RHOBTB3: variants seen among roughly 807,000 people sequenced by gnomAD.
RHOBTB3 encodes Rho related BTB domain containing 3, also known as rho-related BTB domain-containing protein 3.
In RHOBTB3, 47 loss-of-function variants were observed where a neutral mutation model predicts 67.2. The observed-to-expected ratio is 0.70, with a 90% CI of 0.55 to 0.89. The LOEUF (loss-of-function observed/expected upper bound fraction) is 0.89, where lower values mean the gene tolerates loss of function less well. Among genes scored for constraint, RHOBTB3 ranks in the 40% least tolerant of loss-of-function variants. The pLI is 0.00. For missense variants in RHOBTB3, 631 were observed against 750.0 expected (o/e 0.84, Z 1.85); for synonymous variants, 273 against 274.2 (o/e 1.00, Z 0.04).
At position 95,780,332 on chromosome 5, in the gene RHOBTB3, G is replaced by A; in HGVS notation, c.1363G>A (p.Glu455Lys). 1 of 1,614,008 alleles carries A rather than the reference G, an allele frequency of 6.2e-7. No individual in the cohort carries two copies. Among genetic ancestry groups the A allele is most frequent in the Non-Finnish European group, 8.5e-7 (1 of 1,179,872 alleles). ...MAAMFNGNYM[E>K]AKSVLIPVYG... ...AGCCATGTTTAATGGTAATTACATG[G>A]AAGCAAAGAGTGTCCTGATTCCCGT... The change falls in exon 9 of 12, where the codon GAA becomes AAA. Residue 455 changes from glutamate (E) to lysine (K), a missense_variant. Physicochemically the swap from Glu to Lys is moderately conservative, Grantham distance 56. Coordinates refer to ENST00000379982, the MANE Select transcript of RHOBTB3 (RefSeq NM_014899.4).
Position 95,718,891 on chromosome 5 carries a change from A to G in RHOBTB3, n.133+1126A>G, listed in dbSNP as rs77674099. ...AGGTCCCAGGAGAGCACAAGCAGGG[A>G]ACAACTGGATGATGGAAACAGGGTA... On this transcript the variant is annotated intron_variant and non_coding_transcript_variant, in intron 1 of 5. Transcript: ENST00000504949. 8.2e-3 allele frequency among the ~76,000 whole-genome samples: 1,247 copies of G among 152,304 alleles called. 19 individuals carry two copies. Among genetic ancestry groups the G allele is most frequent in the African/African-American group, 0.028 (1,176 of 41,562 alleles).
rs542354613 is a variant in RHOBTB3, at chr5:95,741,145, G to A, written c.415+4070G>A. On this transcript the variant is annotated intron_variant, in intron 3 of 11. Transcript: ENST00000379982. ...AGATCGAGACCATCCTGGCTAACAC[G>A]GTGAAACCCGGTCTCTACTAAAAAT... is the stretch of plus-strand genomic sequence containing the variant. 1.1e-4 allele frequency among the ~76,000 whole-genome samples: 16 copies of A among 152,004 alleles called. No individual in the cohort carries two copies. The South Asian group carries it at 2.9e-3, about 28-fold the overall frequency.
At chr5:95,773,748 T>C (rs1745788633) in intron 8 of RHOBTB3, among the ~76,000 whole-genome samples, 2 of 152,210 alleles carry the variant, frequency 1.3e-5, no homozygotes, top group South Asian at 4.1e-4. Context: ...AGTGAATTCT[T>C]GTTCCTTTCA....
upstream of RHOBTB3, among the ~76,000 whole-genome samples, chr5:95,730,446 C>G (rs1257750856): frequency 6.6e-6 from 1 of 152,292 alleles, no homozygotes; most frequent in Admixed American, 6.5e-5. Context: ...TCGTTTGTAT[C>G]GAGGTAGTTT....
At chr5:95,758,594 C>T (rs111676272) in intron 6 of RHOBTB3, among the ~76,000 whole-genome samples, 1 of 152,128 alleles carries the variant, frequency 6.6e-6, no homozygotes, top group East Asian at 1.9e-4. Flanking sequence ...TGGAACAGTG[C>T]GGCCAAGACA....
chr5:95,730,805 G>A, upstream of RHOBTB3: 1 of 439,738 alleles, frequency 2.3e-6, no homozygotes, highest in East Asian at 7.6e-5. Context: ...TCTTTCTGCA[G>A]CAGCATGAAT....
At chr5:95,790,948 T>C (rs1746365811) in intron 11 of RHOBTB3, among the ~76,000 whole-genome samples, 2 of 152,220 alleles carry the variant, frequency 1.3e-5, no homozygotes, top group African/African-American at 2.4e-5. Flanking sequence ...ATCATCCTAG[T>C]GGCAACATGT....
chr5:95,787,226 C>T (rs980609962), intron 10 of RHOBTB3, among the ~76,000 whole-genome samples: 1 of 151,000 alleles, frequency 6.6e-6, no homozygotes, highest in African/African-American at 2.5e-5. Flanking sequence ...GGGTTAATCA[C>T]GTAACAGTAG....
upstream of RHOBTB3, chr5:95,730,935 C>G: frequency 2.2e-6 from 1 of 463,532 alleles, no homozygotes; most frequent in Non-Finnish European, 4.3e-6. Flanking sequence ...GGGGGGAAAT[C>G]GGGTTGCTGG....
chr5:95,721,009 A>G (rs1182908800), intron 1 of RHOBTB3, among the ~76,000 whole-genome samples: 4 of 152,246 alleles, frequency 2.6e-5, no homozygotes, highest in African/African-American at 9.6e-5. Flanking sequence ...ATAAAAGAAA[A>G]GTCACAGTCT....
chr5:95,764,086 A>G (rs909513851), intron 7 of RHOBTB3, among the ~76,000 whole-genome samples: 1 of 152,228 alleles, frequency 6.6e-6, no homozygotes, highest in Non-Finnish European at 1.5e-5. Flanking sequence ...CTGGGATTAC[A>G]GGCATGAGCC....
chr5:95,754,680 C>T (rs1745190940), intron 5 of RHOBTB3, among the ~76,000 whole-genome samples: 1 of 152,142 alleles, frequency 6.6e-6, no homozygotes, highest in Admixed American at 6.5e-5. Context: ...GGGCTCATCT[C>T]TCTTTGTTGG....
intron 3 of RHOBTB3, among the ~76,000 whole-genome samples, chr5:95,738,990 C>T (rs532398694): frequency 5.3e-5 from 8 of 152,292 alleles, no homozygotes; most frequent in South Asian, 2.1e-4. Flanking sequence ...CCCAGGGTTC[C>T]GTCCTTTGAC....
rs567710333 is a variant in RHOBTB3 at position 95,794,730 on chromosome 5, A to T, written c.*1556A>T. The T allele has an allele frequency of 9.7e-4, 148 of 152,328 alleles. No individual in the cohort carries two copies. The highest frequency in any genetic ancestry group is 3.3e-3 in the African/African-American group (139 of 41,576). 9.4% of individuals were successfully genotyped at this position (152,328 alleles called of 1,614,324 possible). ...TACACACAGTTTTTCCGACTTTTCA[A>T]AAATTTGATTAAATGGTTTTATAGT... On this transcript the variant is annotated 3_prime_UTR_variant, in exon 12 of 12. Transcript: ENST00000379982.
chr5:95,727,040 C>A (rs567219197), upstream of RHOBTB3, among the ~76,000 whole-genome samples: 72 of 152,124 alleles, frequency 4.7e-4, no homozygotes, highest in South Asian at 3.3e-3. Flanking sequence ...CTTCTGTACC[C>A]CACCTTGAAG....
At position 95,793,741 on chromosome 5, in the gene RHOBTB3, A is replaced by G. The variant is rs971224064; in HGVS notation, c.*567A>G. ...AAAATACCTGCTTTTCATCTGGACA[A>G]CCCAATTGAGCCACTTTATCTCCTT... is the stretch of plus-strand genomic sequence containing the variant. On this transcript the variant is annotated 3_prime_UTR_variant, in exon 12 of 12. Coordinates refer to ENST00000379982, the MANE Select transcript of RHOBTB3 (RefSeq NM_014899.4). The G allele has an allele frequency of 1.2e-5, 3 of 247,980 alleles. No individual in the cohort carries two copies. The highest frequency in any genetic ancestry group is 5.0e-5 in the Admixed American group (1 of 19,896). 15.4% of individuals were successfully genotyped at this position (247,980 alleles called of 1,614,324 possible).
At chr5:95,768,602 C>T (rs1745615937) in intron 8 of RHOBTB3, among the ~76,000 whole-genome samples, 1 of 152,122 alleles carries the variant, frequency 6.6e-6, no homozygotes. Context: ...ATTCAGCTGT[C>T]TTCTGTTTCT....
At chr5:95,762,410 T>C (rs1182206868) in intron 6 of RHOBTB3, among the ~76,000 whole-genome samples, 1 of 152,216 alleles carries the variant, frequency 6.6e-6, no homozygotes, top group Non-Finnish European at 1.5e-5. Flanking sequence ...TGTGCCTGCC[T>C]CATTCCCCAA....
intron 8 of RHOBTB3, chr5:95,770,016 G>A (rs761816888): frequency 2.0e-5 from 8 of 390,856 alleles, no homozygotes; most frequent in Admixed American, 5.7e-5. Context: ...TTTGGAGAAG[G>A]GGGTAGGCCT....
Sources: gnomAD v4.1 joint callset for allele counts (sites outside exome capture counted in the v4.1 genomes callset) on GRCh38, gnomAD v4.1.1 for gene constraint, MANE v1.5 for transcripts, NCBI Gene and HGNC (gene_info 2026-07-23, HGNC 2026-07-21) for gene names.